The following FAT2 variants were observed in gnomAD, a reference collection of about 807,000 sequenced individuals.
The protein encoded by FAT2 is FAT atypical cadherin 2.
Under a neutral mutation model 295.3 loss-of-function variants are expected in FAT2, and 150 were observed. The observed-to-expected ratio is 0.51, with a 90% CI of 0.44 to 0.58. The LOEUF is 0.58. Ranked by LOEUF, FAT2 falls within the 20% of genes least tolerant of loss-of-function variation. The pLI is 0.00. For missense variants in FAT2, 4,868 were observed against 5,442.7 expected (o/e 0.89, Z 3.32); for synonymous variants, 2,026 against 2,150.3 (o/e 0.94, Z 1.60).
intron 3 of FAT2, among the ~76,000 whole-genome samples, chr5:151,560,815 A>T (rs532393611): frequency 3.3e-5 from 5 of 152,380 alleles, no homozygotes; most frequent in African/African-American, 1.2e-4. Context: ...TTTGCTGAGT[A>T]CGTGAATGAA....
chr5:151,567,544 T>A lies in FAT2; in HGVS notation c.1388A>T (p.Tyr463Phe). 6.2e-7 allele frequency: 1 copy of A among 1,614,164 alleles called. No homozygotes were observed. Among genetic ancestry groups the A allele is most frequent in the South Asian group, 1.1e-5 (1 of 91,080 alleles). Reference sequence around the variant, plus strand: ...GATGTTCTCATCCAAGGTACCATCATAGGAAGACCTGTTGAAGAGGGGGGC... The same window carrying A: ...GATGTTCTCATCCAAGGTACCATCAAAGGAAGACCTGTTGAAGAGGGGGGC... ...NHAPLFNRSS[Y>F]DGTLDENIPP... Residue 463 changes from tyrosine (Y) to phenylalanine (F), a missense_variant, in exon 2 of 24, where the codon TAT (tyrosine) becomes TTT (phenylalanine). By Grantham distance (22) the Tyr-to-Phe change is conservative. Coordinates refer to ENST00000261800, the MANE Select transcript of FAT2 (RefSeq NM_001447.3).
In FAT2 at chr5:151,531,499, C is replaced by A. The variant is rs2127590684; in HGVS notation, c.9811+88G>T. 6.5e-7 allele frequency: 1 copy of A among 1,544,746 alleles called. No individual in the cohort carries two copies. Among genetic ancestry groups the A allele is most frequent in the Non-Finnish European group, 8.8e-7 (1 of 1,136,288 alleles). On this transcript the variant is annotated intron_variant, in intron 14 of 23. Transcript: ENST00000261800. The surrounding 1 kb of genome is among the most constrained non-coding windows in gnomAD (Gnocchi z 5.7). ...GAGGTCTGCTCTGGGAGGCGCTGCA[C>A]AGGGTAGATACCCACACAGGGGAGG... is the stretch of plus-strand genomic sequence containing the variant.
At chr5:151,588,224 G>T (rs909999681) in intron 1 of FAT2, among the ~76,000 whole-genome samples, 13 of 152,180 alleles carry the variant, frequency 8.5e-5, no homozygotes, top group African/African-American at 3.1e-4. Flanking sequence ...ACAATCCAGA[G>T]ATCAACCTCA....
chr5:151,566,046 A>G lies in FAT2; in HGVS notation c.2886T>C (p.Tyr962=), dbSNP rs371209963. ...PDLGPAGEVR[Y]VLMDGAHGTF... is the part of the protein sequence containing the mutation. ...TCCCATGGGCGCCATCCATCAGAAC[A>G]TATCGCACTTCACCTGCGGGGCCCA... Residue 962 remains tyrosine (Y), a synonymous_variant, in exon 2 of 24, where the codon TAT becomes TAC. Coordinates refer to ENST00000261800, the MANE Select transcript of FAT2 (RefSeq NM_001447.3). The G allele has an allele frequency of 6.2e-7, 1 of 1,613,994 alleles. No homozygotes were observed. The highest frequency in any genetic ancestry group is 1.3e-5 in the African/African-American group (1 of 74,904).
In FAT2 at chr5:151,590,513, C is replaced by A. The variant is rs1759356930; in HGVS notation, c.-21+652G>T. Among the ~76,000 whole-genome samples the A allele has an allele frequency of 2.0e-5, 3 of 152,188 alleles. No individual in the cohort carries two copies. The South Asian group carries it at 6.2e-4, about 32-fold the overall frequency. On this transcript the variant is annotated intron_variant, in intron 1 of 23. Transcript: ENST00000261800. The stretch of plus-strand genomic sequence containing the variant: ...GACAGGGGAACAGGGCTGTTCCCAC[C>A]CCAACAACTCCAGTGCTGTCTTGGT...
chr5:151,549,357 T>A lies in FAT2; in HGVS notation c.4727A>T (p.Gln1576Leu), dbSNP rs776516892. ...CCGGTCAGCATCCATGGCTCGGACC[T>A]GCAGCAGCTCTGTGCCGGGGGCTAT... ...DTIAPGTELL[Q>L]VRAMDADRGV... Residue 1576 changes from glutamine (Q) to leucine (L), a missense_variant, in exon 9 of 24, where the codon CAG becomes CTG. Transcript: ENST00000261800. 1.2e-6 allele frequency: 2 copies of A among 1,614,048 alleles called. No individual in the cohort carries two copies. Among genetic ancestry groups the A allele is most frequent in the South Asian group, 1.1e-5 (1 of 91,062 alleles).
chr5:151,519,611 A>G (rs539456338), intron 19 of FAT2, among the ~76,000 whole-genome samples: 17 of 152,326 alleles, frequency 1.1e-4, no homozygotes, highest in Admixed American at 1.0e-3. Flanking sequence ...GGGGGGCCCA[A>G]GGGAGGCTTC....
chr5:151,509,126 A>G (rs115020495), intron 22 of FAT2, among the ~76,000 whole-genome samples: 1,872 of 152,258 alleles, frequency 0.012, 40 homozygotes, highest in African/African-American at 0.043. Context: ...GCACAGCAGC[A>G]CCTGCCCAAG....
intron 11 of FAT2, among the ~76,000 whole-genome samples, chr5:151,538,755 G>A (rs1434294723): frequency 6.6e-6 from 1 of 152,090 alleles, no homozygotes; most frequent in Non-Finnish European, 1.5e-5. Context: ...TTGGCTCACT[G>A]CAACCTCCTC....
At chr5:151,578,631 C>T (rs573291432) in intron 1 of FAT2, among the ~76,000 whole-genome samples, 36 of 152,232 alleles carry the variant, frequency 2.4e-4, no homozygotes, top group East Asian at 9.6e-4. Flanking sequence ...TATATCCAAA[C>T]GAAATGAAAT....
In FAT2 at chr5:151,566,264, T is replaced by G; in HGVS notation, c.2668A>C (p.Ile890Leu). Residue 890 changes from isoleucine to leucine, a missense_variant, in exon 2 of 24, where the codon ATA becomes CTA. This residue lies in a region of FAT2 where 3,297 missense variants were observed against 3,669.4 expected (regional missense o/e 0.90). Coordinates refer to ENST00000261800, the MANE Select transcript of FAT2 (RefSeq NM_001447.3). Reference protein sequence around the residue: ...HLDRESEPRYILKVEARDQPS... With the variant: ...HLDRESEPRYLLKVEARDQPS... Reference sequence around the variant, plus strand: ...TGATCCCTGGCCTCCACCTTGAGTATGTACCGAGGCTCTGATTCGCGGTCC... The same window carrying G: ...TGATCCCTGGCCTCCACCTTGAGTAGGTACCGAGGCTCTGATTCGCGGTCC... 1.2e-6 allele frequency: 2 copies of G among 1,614,178 alleles called. No individual in the cohort carries two copies. Among genetic ancestry groups the G allele is most frequent in the Non-Finnish European group, 8.5e-7 (1 of 1,180,020 alleles).
chr5:151,525,683 C>T, intron 18 of FAT2, 85 bp downstream of exon 18: 2 of 1,481,890 alleles, frequency 1.3e-6, no homozygotes, highest in African/African-American at 1.4e-5. Flanking sequence ...ACATTTTTTC[C>T]CTAATGACAG....
At chr5:151,518,560 A>G (rs1293094917) in intron 19 of FAT2, among the ~76,000 whole-genome samples, 2 of 152,166 alleles carry the variant, frequency 1.3e-5, no homozygotes, top group East Asian at 1.9e-4. Flanking sequence ...AGTTCCTTGT[A>G]TGAGCAGGAG....
intron 3 of FAT2, among the ~76,000 whole-genome samples, chr5:151,557,723 A>G (rs1329662485): frequency 1.3e-5 from 2 of 152,228 alleles, no homozygotes; most frequent in Non-Finnish European, 2.9e-5. Context: ...GCCAACCTGC[A>G]TTGGGTTTCT....
At chr5:151,517,551 C>T in intron 20 of FAT2, 69 bp downstream of exon 20, 1 of 1,588,202 alleles carries the variant, frequency 6.3e-7, no homozygotes, top group Admixed American at 1.7e-5. Context: ...TGACATTCCT[C>T]ATGCCTCACC....
chr5:151,589,211 C>G (rs939062539), intron 1 of FAT2, among the ~76,000 whole-genome samples: 3 of 152,138 alleles, frequency 2.0e-5, no homozygotes, highest in Non-Finnish European at 2.9e-5. Flanking sequence ...GGCATGTCCC[C>G]AACCGTACCA....
In FAT2 at chr5:151,545,928, G is replaced by A. The variant is rs2127613495; in HGVS notation, c.5199C>T (p.Ser1733=). The change falls in exon 10 of 24, where the codon AGC becomes AGT. Residue 1733 remains serine (S), a synonymous_variant. Coordinates refer to ENST00000261800, the MANE Select transcript of FAT2 (RefSeq NM_001447.3). ...CATCAGTAAATGCACCTGCCATATT[G>A]CTGCCTCGGATTTTCAGCTGGTAAG... The part of the protein sequence containing the change: ...ISSYQLKIRG[S]NMAGAFTDVM... 1 of 1,614,122 alleles carries A rather than the reference G, an allele frequency of 6.2e-7. No individual in the cohort carries two copies. The highest frequency in any genetic ancestry group is 8.5e-7 in the Non-Finnish European group (1 of 1,180,024).
rs1756608434 is a variant in FAT2, at chr5:151,546,152, TG to T, written c.4974del (p.Ile1659SerfsTer9). ...ACAAAGTACTCAGATTTTGAAAAGA[TG>T]GGGGCACTCCTATCTGAGGGATAGA... is the stretch of plus-strand genomic sequence containing the variant. Reference protein sequence around the residue: ...IHVYPSDRSAPIFSKSEYFVE... With the variant: ...IHVYPSDRSAXIFSKSEYFVE... On this transcript the variant is annotated frameshift_variant, in exon 10 of 24. Coordinates refer to ENST00000261800, the MANE Select transcript of FAT2 (RefSeq NM_001447.3). LOFTEE classifies it high-confidence loss of function. The T allele has an allele frequency of 6.2e-7, 1 of 1,614,096 alleles. No individual in the cohort carries two copies. Among genetic ancestry groups the T allele is most frequent in the African/African-American group, 1.3e-5 (1 of 75,036 alleles).
Position 151,545,026 on chromosome 5 carries a change from T to C in FAT2, c.6101A>G (p.Asp2034Gly). The change falls in exon 10 of 24, where the codon GAC becomes GGC. Residue 2034 changes from aspartate to glycine, a missense_variant. By Grantham distance (94) the Asp-to-Gly change is moderately conservative. Transcript: ENST00000261800. Reference sequence around the variant, plus strand: ...CACTTCCACTGCCAACTCATGAGTGTCCTGCTGCTCCCGGTCAAACGCCAC... The same window carrying C: ...CACTTCCACTGCCAACTCATGAGTGCCCTGCTGCTCCCGGTCAAACGCCAC... ...RGVAFDREQQ[D>G]THELAVEVRD... 1.2e-6 allele frequency: 2 copies of C among 1,614,218 alleles called. No individual in the cohort carries two copies. Among genetic ancestry groups the C allele is most frequent in the African/African-American group, 1.3e-5 (1 of 75,074 alleles).
Sources: gnomAD v4.1 joint callset for allele counts (sites outside exome capture counted in the v4.1 genomes callset) on GRCh38, gnomAD v4.1.1 for gene constraint, gnomAD v4.1.1 regional missense constraint, Gnocchi (gnomAD v3.1) non-coding constraint, MANE v1.5 for transcripts, NCBI Gene and HGNC (gene_info 2026-07-23, HGNC 2026-07-21) for gene names.